Variants in GRB14 observed in about 807,000 individuals in gnomAD.
The protein encoded by GRB14 is growth factor receptor bound protein 14.
GRB14 carries 38 observed loss-of-function variants against 69.1 expected under a neutral mutation model. That is an observed-to-expected ratio of 0.55 (90% CI 0.42 to 0.72). The LOEUF is 0.72. GRB14 is among the 30% of genes least tolerant of loss of function. The probability of loss-of-function intolerance (pLI) is 0.00; values close to 1 mark genes in which losing one functional copy is unlikely to be tolerated. For missense variants in GRB14, 666 were observed against 666.1 expected (o/e 1.00, Z 0.00); for synonymous variants, 247 against 241.3 (o/e 1.02, Z -0.22).
At chr2:164,572,377 A>G (rs145137155) in intron 2 of GRB14, among the ~76,000 whole-genome samples, 1 of 152,278 alleles carries the variant, frequency 6.6e-6, no homozygotes, top group East Asian at 1.9e-4. Context: ...ATTAAGCCCC[A>G]CAATGAAGGC....
intron 3 of GRB14, among the ~76,000 whole-genome samples, chr2:164,539,049 G>T (rs1243898781): frequency 6.6e-6 from 1 of 152,118 alleles, no homozygotes; most frequent in African/African-American, 2.4e-5. Flanking sequence ...AAACCAACTT[G>T]CTTCAGTGGA....
intron 2 of GRB14, among the ~76,000 whole-genome samples, chr2:164,568,888 C>T (rs939793803): frequency 7.2e-5 from 11 of 151,984 alleles, no homozygotes; most frequent in Non-Finnish European, 1.2e-4. Context: ...AAAAAATAAT[C>T]CTGAGGTTAG....
intron 3 of GRB14, among the ~76,000 whole-genome samples, chr2:164,532,204 A>G (rs1687959799): frequency 6.6e-6 from 1 of 152,174 alleles, no homozygotes; most frequent in East Asian, 1.9e-4. Flanking sequence ...CATTGATAAA[A>G]ACTGCATTGA....
chr2:164,608,159 G>C (rs1053492695), intron 2 of GRB14, among the ~76,000 whole-genome samples: 2 of 152,132 alleles, frequency 1.3e-5, no homozygotes, highest in Non-Finnish European at 2.9e-5. Flanking sequence ...ATCAACTGAG[G>C]TCAGGAGTTC....
chr2:164,590,104 C>T (rs1689627928), intron 2 of GRB14, among the ~76,000 whole-genome samples: 2 of 152,248 alleles, frequency 1.3e-5, no homozygotes, highest in Admixed American at 6.5e-5. Flanking sequence ...AATTTGCAGG[C>T]AGTGGGAACC....
At chr2:164,579,042 AC>A (rs1689326260) in intron 2 of GRB14, among the ~76,000 whole-genome samples, 2 of 152,160 alleles carry the variant, frequency 1.3e-5, no homozygotes, top group Admixed American at 6.5e-5. Flanking sequence ...TTAAAAAAAA[AC>A]AAATTATACA....
intron 3 of GRB14, among the ~76,000 whole-genome samples, chr2:164,532,226 A>C (rs563608014): frequency 1.3e-5 from 2 of 152,314 alleles, no homozygotes; most frequent in African/African-American, 4.8e-5. Context: ...TATTTTCCCC[A>C]AAAAGACTAA....
intron 2 of GRB14, among the ~76,000 whole-genome samples, chr2:164,548,896 T>C (rs947957650): frequency 6.6e-5 from 10 of 151,832 alleles, no homozygotes; most frequent in African/African-American, 2.2e-4. Flanking sequence ...TTTGAAGGAG[T>C]TTCATTCTTT....
chr2:164,594,089 A>G (rs1057314218), intron 2 of GRB14, among the ~76,000 whole-genome samples: 27 of 152,156 alleles, frequency 1.8e-4, no homozygotes, highest in African/African-American at 5.6e-4. Flanking sequence ...TCAAAAACTA[A>G]AAATCTTCAG....
chr2:164,587,247 C>T (rs1689560369), intron 2 of GRB14, among the ~76,000 whole-genome samples: 1 of 152,112 alleles, frequency 6.6e-6, no homozygotes, highest in South Asian at 2.1e-4. Context: ...GGATCAATGT[C>T]TTCAAAGTTG....
At chr2:164,524,448 G>A (rs965462649) in intron 5 of GRB14, among the ~76,000 whole-genome samples, 1 of 152,020 alleles carries the variant, frequency 6.6e-6, no homozygotes, top group Non-Finnish European at 1.5e-5. Flanking sequence ...CAAAAATAAG[G>A]AGATTTTTAA....
chr2:164,606,572 G>A (rs1690046136), intron 2 of GRB14, among the ~76,000 whole-genome samples: 1 of 152,066 alleles, frequency 6.6e-6, no homozygotes, highest in African/African-American at 2.4e-5. Context: ...TTCCCAAGGT[G>A]CAGGCATGGT....
In GRB14 at chr2:164,492,429, TTAAC is replaced by T. The variant is rs1419774887; in HGVS notation, c.*603_*606del. ...TACAATACCAGTATAAATTTTATAA[TTAAC>T]TATTTAATAATATTTTTAAATTACC... On this transcript the variant is annotated 3_prime_UTR_variant, in exon 14 of 14. Coordinates refer to ENST00000263915, the MANE Select transcript of GRB14 (RefSeq NM_004490.3). Among the ~76,000 whole-genome samples the T allele has an allele frequency of 1.3e-4, 20 of 152,062 alleles. No individual in the cohort carries two copies. The highest frequency in any genetic ancestry group is 6.2e-4 in the South Asian group (3 of 4,826).
chr2:164,505,171 T>C (rs1313606000), intron 8 of GRB14, among the ~76,000 whole-genome samples: 1 of 152,124 alleles, frequency 6.6e-6, no homozygotes, highest in Non-Finnish European at 1.5e-5. Flanking sequence ...ACAGCAGTCA[T>C]AGAAAACCAA....
intron 12 of GRB14, among the ~76,000 whole-genome samples, chr2:164,495,642 G>T (rs912446856): frequency 3.9e-5 from 6 of 152,200 alleles, no homozygotes; most frequent in Admixed American, 3.9e-4. Context: ...CTGTGCCTGG[G>T]CAAAGAGGCA....
intron 2 of GRB14, among the ~76,000 whole-genome samples, chr2:164,595,165 G>T (rs545657760): frequency 6.6e-6 from 1 of 152,294 alleles, no homozygotes; most frequent in East Asian, 1.9e-4. Context: ...AAAGGATTTT[G>T]CAATAAACCA....
At chr2:164,612,277 G>C (rs1332932928) in intron 2 of GRB14, among the ~76,000 whole-genome samples, 2 of 152,164 alleles carry the variant, frequency 1.3e-5, no homozygotes, top group Non-Finnish European at 2.9e-5. Context: ...GTGAATAAAT[G>C]GCCAATTTAT....
intron 6 of GRB14, among the ~76,000 whole-genome samples, chr2:164,514,706 AG>A (rs969269914): frequency 5.3e-5 from 8 of 151,906 alleles, no homozygotes; most frequent in African/African-American, 1.9e-4. Context: ...AACCTGGGGG[AG>A]GGGGTGAATC....
intron 2 of GRB14, among the ~76,000 whole-genome samples, chr2:164,552,706 A>G (rs1025865346): frequency 6.6e-6 from 1 of 152,160 alleles, no homozygotes. Flanking sequence ...GTCATGCCCT[A>G]TGATGTCAAG....
Sources: gnomAD v4.1 joint callset for allele counts (sites outside exome capture counted in the v4.1 genomes callset) on GRCh38, gnomAD v4.1.1 for gene constraint, MANE v1.5 for transcripts, NCBI Gene and HGNC (gene_info 2026-07-23, HGNC 2026-07-21) for gene names.